Variants in CBX5 observed in about 807,000 individuals in gnomAD.
CBX5 encodes chromobox 5, also known as chromobox protein homolog 5.
In CBX5, 7 loss-of-function variants were observed where a neutral mutation model predicts 20.7. The observed-to-expected ratio is 0.34, with a 90% CI of 0.19 to 0.63. The LOEUF is 0.63. Among genes scored for constraint, CBX5 ranks in the 30% least tolerant of loss-of-function variants. The pLI is 0.75. For synonymous variants in CBX5, 78 were observed against 77.0 expected (o/e 1.01, Z -0.07); for missense variants, 110 against 224.1 (o/e 0.49, Z 3.25).
At position 54,241,645 on chromosome 12, in the gene CBX5, C is replaced by T; in HGVS notation, c.*110G>A. The T allele has an allele frequency of 9.8e-7, 1 of 1,015,868 alleles. No homozygotes were observed. Among genetic ancestry groups the T allele is most frequent in the Non-Finnish European group, 1.5e-6 (1 of 687,210 alleles). 62.9% of individuals were successfully genotyped at this position (1,015,868 alleles called of 1,614,324 possible). ...TTCTCCTGTGGAGCACAGTGATAAG[C>T]ACATTTTTTATGGATGTGTTTAGGA... On this transcript the variant is annotated 3_prime_UTR_variant, in exon 5 of 5. Coordinates refer to ENST00000209875, the MANE Select transcript of CBX5 (RefSeq NM_012117.3).
At chr12:54,247,107 T>G (rs1177404915) in intron 3 of CBX5, among the ~76,000 whole-genome samples, 1 of 152,092 alleles carries the variant, frequency 6.6e-6, no homozygotes, top group Non-Finnish European at 1.5e-5. Flanking sequence ...ATAGCAAAAT[T>G]TCAGAGATCA....
intron 3 of CBX5, among the ~76,000 whole-genome samples, chr12:54,250,613 G>A (rs1943786308): frequency 6.7e-6 from 1 of 148,746 alleles, no homozygotes; most frequent in East Asian, 2.0e-4. Context: ...AGACCATCCT[G>A]GCTAACAAGG....
chr12:54,259,218 G>A (rs969586583), intron 1 of CBX5: 1 of 152,114 alleles, frequency 6.6e-6, no homozygotes, highest in Non-Finnish European at 1.5e-5. Context: ...CCTCACCAGA[G>A]ACAGGAAATG....
At chr12:54,249,738 A>G (rs1943774143) in intron 3 of CBX5, among the ~76,000 whole-genome samples, 2 of 152,198 alleles carry the variant, frequency 1.3e-5, no homozygotes, top group Admixed American at 1.3e-4. Flanking sequence ...GAGAGAGGCA[A>G]TAACAGTGCT....
chr12:54,244,055 G>A (rs1412282974), intron 4 of CBX5, among the ~76,000 whole-genome samples: 1 of 151,206 alleles, frequency 6.6e-6, no homozygotes, highest in East Asian at 2.0e-4. Flanking sequence ...AGGCTGGAGT[G>A]CAGTGACAGG....
At chr12:54,268,943 A>G (rs1200395615) in intron 1 of CBX5, among the ~76,000 whole-genome samples, 1 of 152,204 alleles carries the variant, frequency 6.6e-6, no homozygotes, top group Non-Finnish European at 1.5e-5. Context: ...TAGAAGTTAA[A>G]TGTCTGATAG....
chr12:54,265,172 G>A (rs1169098932), intron 1 of CBX5, among the ~76,000 whole-genome samples: 2 of 152,214 alleles, frequency 1.3e-5, no homozygotes, highest in Admixed American at 1.3e-4. Context: ...TGGCTTAGGT[G>A]AAGATTAAAT....
rs115740061 is a variant in CBX5 at position 54,257,148 on chromosome 12, C to T, written c.137+366G>A. On this transcript the variant is annotated intron_variant, in intron 2 of 4. Coordinates refer to ENST00000209875, the MANE Select transcript of CBX5 (RefSeq NM_012117.3). ...GCTGAGATTAGAGTGCAAGCCACCA[C>T]GCCTGGCCTTATAAGCACTACTGCT... Among the ~76,000 whole-genome samples, 902 of 152,248 alleles carry T rather than the reference C, an allele frequency of 5.9e-3. 6 individuals carry two copies. Among genetic ancestry groups the T allele is most frequent in the African/African-American group, 0.02 (850 of 41,530 alleles).
chr12:54,270,859 C>G (rs1944002195), intron 1 of CBX5, among the ~76,000 whole-genome samples: 1 of 151,846 alleles, frequency 6.6e-6, no homozygotes, highest in Non-Finnish European at 1.5e-5. Context: ...TGACACCAAT[C>G]CGGGCAACAT....
intron 1 of CBX5, chr12:54,276,829 A>G (rs1944073495): frequency 6.6e-6 from 1 of 152,234 alleles, no homozygotes; most frequent in Admixed American, 6.5e-5. Flanking sequence ...TGTAAAATAT[A>G]TTTCTTATTG....
At chr12:54,268,417 A>G (rs930978276) in intron 1 of CBX5, among the ~76,000 whole-genome samples, 1 of 152,252 alleles carries the variant, frequency 6.6e-6, no homozygotes, top group Non-Finnish European at 1.5e-5. Context: ...AAAGAAAGGC[A>G]TCAGATAAAT....
At chr12:54,260,986 T>A (rs1943911384) in intron 1 of CBX5, among the ~76,000 whole-genome samples, 1 of 151,404 alleles carries the variant, frequency 6.6e-6, no homozygotes. Context: ...AGGTCAGGAG[T>A]TCGAGACCAG....
chr12:54,251,982 A>AT, intron 3 of CBX5, 59 bp downstream of exon 3: 1 of 1,321,902 alleles, frequency 7.6e-7, no homozygotes, highest in South Asian at 1.6e-5. Flanking sequence ...ACTTTTATTT[A>AT]TTATTATTAT....
At chr12:54,256,486 C>G (rs959104600) in intron 2 of CBX5, among the ~76,000 whole-genome samples, 1 of 152,144 alleles carries the variant, frequency 6.6e-6, no homozygotes, top group Non-Finnish European at 1.5e-5. Context: ...TGACACATAG[C>G]CTTTATCCAA....
rs1469873354 is a variant in CBX5, at chr12:54,233,888, T to C, written c.*7867A>G. 1.3e-5 allele frequency: 2 copies of C among 150,482 alleles called. No individual in the cohort carries two copies. The highest frequency in any genetic ancestry group is 6.6e-5 in the Admixed American group (1 of 15,122). The allele number at this position is 150,482 out of a possible 1,614,324, so 9.3% of individuals were successfully genotyped here. On this transcript the variant is annotated 3_prime_UTR_variant, in exon 5 of 5. Transcript: ENST00000209875. The stretch of plus-strand genomic sequence containing the variant: ...AGGAGATTGAGGCTGCAGTGAGCTG[T>C]AATAAAGATACTGTGGCCGGGTGCT...
At chr12:54,279,603 A>T (rs900150056) in intron 1 of CBX5, among the ~76,000 whole-genome samples, 1 of 152,062 alleles carries the variant, frequency 6.6e-6, no homozygotes. Flanking sequence ...GATTCGTTCC[A>T]TCCGTTTAAC....
At chr12:54,269,666 C>A (rs1943991448) in intron 1 of CBX5, among the ~76,000 whole-genome samples, 1 of 152,188 alleles carries the variant, frequency 6.6e-6, no homozygotes, top group Non-Finnish European at 1.5e-5. Context: ...GGATTACAGG[C>A]ATGAGCCATC....
chr12:54,272,082 T>G (rs1565874916), intron 1 of CBX5: 1 of 152,238 alleles, frequency 6.6e-6, no homozygotes, highest in Non-Finnish European at 1.5e-5. Flanking sequence ...AAAACAAAAC[T>G]TAAGATTTCC....
Position 54,261,303 on chromosome 12 carries a change from CTTT to C in CBX5, c.-42-3614_-42-3612del, listed in dbSNP as rs372027623. Among the ~76,000 whole-genome samples the C allele has an allele frequency of 1.8e-3, 258 of 143,558 alleles. 5 individuals carry two copies. The East Asian group carries it at 0.03, about 17-fold the overall frequency. The allele number at this position is 143,558 out of a possible 152,430, so 94.2% of individuals were successfully genotyped here. A position where few individuals can be genotyped will look rare whatever the true frequency, so the allele number is the denominator to read the frequency against. On this transcript the variant is annotated intron_variant, in intron 1 of 4. Coordinates refer to ENST00000209875, the MANE Select transcript of CBX5 (RefSeq NM_012117.3). ...CAAAGTAGAAATTTTTTTCTTTTTT[CTTT>C]TTTTTTTTTGAGACGGAGTCTCGCT... is the stretch of plus-strand genomic sequence containing the variant.
Sources: allele counts gnomAD v4.1 joint callset (sites outside exome capture counted in the v4.1 genomes callset), GRCh38; gene constraint gnomAD v4.1.1; transcripts MANE v1.5; gene names NCBI Gene and HGNC (gene_info 2026-07-23, HGNC 2026-07-21).